BMP7: variants seen among roughly 807,000 people sequenced by gnomAD.
BMP7 encodes bone morphogenetic protein 7, also known as osteogenic protein 1.
Under a neutral mutation model 41.2 loss-of-function variants are expected in BMP7, and 12 were observed. That is an observed-to-expected ratio of 0.29 (90% CI 0.19 to 0.47). The LOEUF is 0.47. Ranked by LOEUF, BMP7 falls within the 20% of genes least tolerant of loss-of-function variation. The pLI is 0.99. For synonymous variants in BMP7, 248 were observed against 250.0 expected, an observed-to-expected ratio of 0.99 and a Z score of 0.07; for missense variants, 467 against 606.0, an observed-to-expected ratio of 0.77 and a Z score of 2.41.
rs1354091213 is a variant in BMP7, at chr20:57,257,828, A to C, written c.418+7877T>G. Among the ~76,000 whole-genome samples the C allele has an allele frequency of 1.2e-4, 18 of 150,546 alleles. No individual in the cohort carries two copies. The East Asian group carries it at 3.1e-3, about 26-fold the overall frequency. On this transcript the variant is annotated intron_variant, in intron 1 of 6. Coordinates refer to ENST00000395863, the MANE Select transcript of BMP7 (RefSeq NM_001719.3). ...GAAGGCCAAAACACAAGCCACCAAA[A>C]AAAAAAAAAAAAAAAAACTTGCCTG... is the stretch of plus-strand genomic sequence containing the variant.
intron 3 of BMP7, among the ~76,000 whole-genome samples, chr20:57,196,084 G>A (rs1600616989): frequency 2.6e-5 from 4 of 152,284 alleles, no homozygotes; most frequent in Middle Eastern, 6.8e-3. Flanking sequence ...TGAGTCGCGA[G>A]TGATTTCTTC....
At chr20:57,223,047 T>C (rs1477686471) in intron 2 of BMP7, among the ~76,000 whole-genome samples, 1 of 151,834 alleles carries the variant, frequency 6.6e-6, no homozygotes, top group Non-Finnish European at 1.5e-5. Flanking sequence ...GGCCAATACA[T>C]GGTGAAACCC....
chr20:57,223,219 G>A (rs1985231551), intron 2 of BMP7, among the ~76,000 whole-genome samples: 1 of 124,678 alleles, frequency 8.0e-6, no homozygotes, highest in African/African-American at 3.4e-5. Context: ...AACACAGTGA[G>A]ACTCCATCTC....
At chr20:57,233,597 A>G (rs1208102285) in intron 1 of BMP7, among the ~76,000 whole-genome samples, 3 of 152,192 alleles carry the variant, frequency 2.0e-5, no homozygotes, top group African/African-American at 7.2e-5. Flanking sequence ...TCTGTCCCAG[A>G]TGGGAGTCAC....
intron 4 of BMP7, among the ~76,000 whole-genome samples, chr20:57,182,352 C>T (rs1212045339): frequency 1.6e-4 from 24 of 152,190 alleles, no homozygotes; most frequent in Non-Finnish European, 1.5e-5. Context: ...CCCAGCACCC[C>T]CAGGCCACCA....
intron 1 of BMP7, among the ~76,000 whole-genome samples, chr20:57,238,166 A>G (rs1030274202): frequency 2.0e-5 from 3 of 152,102 alleles, no homozygotes; most frequent in South Asian, 2.1e-4. Context: ...TTCTGTCTCT[A>G]TGAATCTGAC....
chr20:57,235,750 G>A (rs916597418), intron 1 of BMP7, among the ~76,000 whole-genome samples: 3 of 152,218 alleles, frequency 2.0e-5, no homozygotes, highest in Non-Finnish European at 2.9e-5. Context: ...CAAGAAAAAA[G>A]CAACAAATTC....
At position 57,171,170 on chromosome 20, in the gene BMP7, C is replaced by G. The variant is rs1251584104; in HGVS notation, c.1147-62G>C. 1 of 1,607,142 alleles carries G rather than the reference C, an allele frequency of 6.2e-7. No homozygotes were observed. The highest frequency in any genetic ancestry group is 1.3e-5 in the African/African-American group (1 of 74,760). On this transcript the variant is annotated intron_variant, in intron 6 of 6. Coordinates refer to ENST00000395863, the MANE Select transcript of BMP7 (RefSeq NM_001719.3). This position sits in a 1 kb window ranked among gnomAD's most constrained non-coding sequence, Gnocchi z 4.5. ...GCGGTGAGTCGTTCTAACTGGCCTC[C>G]ACGTTTCTATAAAGAAACATCCTGT...
In BMP7 at chr20:57,215,905, T is replaced by G. The variant is rs1318471246; in HGVS notation, c.611+12324A>C. 6.6e-6 allele frequency: 1 copy of G among 152,044 alleles called. No homozygotes were observed. Among genetic ancestry groups the G allele is most frequent in the Non-Finnish European group, 1.5e-5 (1 of 67,976 alleles). 9.4% of individuals were successfully genotyped at this position (152,044 alleles called of 1,614,324 possible). A position where few individuals can be genotyped will look rare whatever the true frequency, so the allele number is the denominator to read the frequency against. ...GTCATCTTTCCAACCTCATTTTTTT[T>G]TTTTTTTAAGAGAACCACAGGCTGT... On this transcript the variant is annotated intron_variant, in intron 2 of 6. Coordinates refer to ENST00000395863, the MANE Select transcript of BMP7 (RefSeq NM_001719.3). The surrounding 1 kb of genome is among the most constrained non-coding windows in gnomAD (Gnocchi z 4.2).
At chr20:57,262,924 T>C (rs2066159608) in intron 1 of BMP7, among the ~76,000 whole-genome samples, 1 of 152,314 alleles carries the variant, frequency 6.6e-6, no homozygotes, top group East Asian at 1.9e-4. Flanking sequence ...ACAAGTCTCC[T>C]ACACCTCCCC....
chr20:57,244,602 G>A (rs1332731610), intron 1 of BMP7, among the ~76,000 whole-genome samples: 1 of 152,232 alleles, frequency 6.6e-6, no homozygotes, highest in Non-Finnish European at 1.5e-5. Flanking sequence ...ACCTCTGGAA[G>A]GCTCAACTTT....
rs780359443 is a variant in BMP7 at position 57,173,229 on chromosome 20, C to T, written c.1117G>A (p.Ala373Thr). The T allele has an allele frequency of 4.3e-6, 7 of 1,614,048 alleles. No individual in the cohort carries two copies. The highest frequency in any genetic ancestry group is 2.2e-5 in the South Asian group (2 of 91,080). Reference sequence around the variant, plus strand: ...GTCTGCACGATGGCGTGGTTGGTGGCGTTCATGTAGGAGTTCAGAGGGAAG... The same window carrying T: ...GTCTGCACGATGGCGTGGTTGGTGGTGTTCATGTAGGAGTTCAGAGGGAAG... ...CAFPLNSYMN[A>T]TNHAIVQTLV... Residue 373 changes from alanine (A) to threonine (T), a missense_variant, in exon 6 of 7, where the codon GCC becomes ACC. Ala to Thr is a moderately conservative substitution (Grantham distance 58, BLOSUM62 0). Coordinates refer to ENST00000395863, the MANE Select transcript of BMP7 (RefSeq NM_001719.3).
chr20:57,204,216 G>A lies in BMP7; in HGVS notation c.612-1593C>T, dbSNP rs530600806. On this transcript the variant is annotated intron_variant, in intron 2 of 6. Coordinates refer to ENST00000395863, the MANE Select transcript of BMP7 (RefSeq NM_001719.3). The stretch of plus-strand genomic sequence containing the variant: ...ACCCACTAAGCCACGGGCAGGAGCC[G>A]AGCCACTCATGTCCCCTTTGATGAG... 7.9e-4 allele frequency among the ~76,000 whole-genome samples: 121 copies of A among 152,280 alleles called. 2 individuals are homozygous for A. In the South Asian group the frequency reaches 0.018, roughly 23 times the overall value.
rs1163480331 is a variant in BMP7, at chr20:57,228,640, C to T, written c.419-219G>A. ...CCATGGTCATCCTGAACGACAAGAG[C>T]ATGATTCTGCATCCAACCTGCTGGG... On this transcript the variant is annotated intron_variant, in intron 1 of 6. Coordinates refer to ENST00000395863, the MANE Select transcript of BMP7 (RefSeq NM_001719.3). This position sits in a 1 kb window ranked among gnomAD's most constrained non-coding sequence, Gnocchi z 4.5. Among the ~76,000 whole-genome samples, 1 of 152,194 alleles carries T rather than the reference C, an allele frequency of 6.6e-6. No individual in the cohort carries two copies. The highest frequency in any genetic ancestry group is 2.4e-5 in the African/African-American group (1 of 41,450).
chr20:57,248,072 T>C (rs2066097230), intron 1 of BMP7, among the ~76,000 whole-genome samples: 1 of 152,056 alleles, frequency 6.6e-6, no homozygotes, highest in Non-Finnish European at 1.5e-5. Flanking sequence ...CTACAGAGGG[T>C]CTGGTTAAAT....
intron 4 of BMP7, among the ~76,000 whole-genome samples, chr20:57,179,026 G>A (rs1376217597): frequency 6.6e-6 from 1 of 152,204 alleles, no homozygotes; most frequent in African/African-American, 2.4e-5. Flanking sequence ...TCAAACCCAA[G>A]GCCAAACAGA....
chr20:57,184,260 C>T (rs1600730428), intron 3 of BMP7, among the ~76,000 whole-genome samples: 1 of 152,124 alleles, frequency 6.6e-6, no homozygotes, highest in South Asian at 2.1e-4. Flanking sequence ...CAAAGCAGGT[C>T]GTGGTATCTG....
At chr20:57,226,671 A>C (rs2066007686) in intron 2 of BMP7, among the ~76,000 whole-genome samples, 1 of 152,160 alleles carries the variant, frequency 6.6e-6, no homozygotes, top group Non-Finnish European at 1.5e-5. Context: ...CACAGGTGAA[A>C]ACAGCAACAC....
chr20:57,264,226 T>A (rs1352397109), intron 1 of BMP7, among the ~76,000 whole-genome samples: 1 of 152,170 alleles, frequency 6.6e-6, no homozygotes, highest in African/African-American at 2.4e-5. Context: ...GGGGGAAGCA[T>A]GAAGGCGGAT....
Sources: gnomAD v4.1 joint callset for allele counts (sites outside exome capture counted in the v4.1 genomes callset) on GRCh38, gnomAD v4.1.1 for gene constraint, Gnocchi (gnomAD v3.1) non-coding constraint, MANE v1.5 for transcripts, NCBI Gene and HGNC (gene_info 2026-07-23, HGNC 2026-07-21) for gene names.